Variants in GFRA1 observed in about 807,000 individuals in gnomAD.
The protein encoded by GFRA1 is GDNF family receptor alpha 1, also known as GDNF family receptor alpha-1.
Under a neutral mutation model 51.6 loss-of-function variants are expected in GFRA1, and 16 were observed. That is an observed-to-expected ratio of 0.31 (90% CI 0.21 to 0.47). The LOEUF (loss-of-function observed/expected upper bound fraction) is 0.47. Among genes scored for constraint, GFRA1 ranks in the 20% least tolerant of loss-of-function variants. The pLI is 1.00. For synonymous variants in GFRA1, 270 were observed against 241.3 expected (o/e 1.12, Z -1.10); for missense variants, 530 against 594.3 (o/e 0.89, Z 1.13).
intron 4 of GFRA1, among the ~76,000 whole-genome samples, chr10:116,220,345 T>A (rs560547854): frequency 2.0e-5 from 3 of 152,212 alleles, no homozygotes; most frequent in African/African-American, 4.8e-5. Context: ...CATTTCCAAG[T>A]CAAATGATAC....
intron 9 of GFRA1, among the ~76,000 whole-genome samples, chr10:116,086,065 T>G (rs1425685713): frequency 2.0e-5 from 3 of 152,210 alleles, no homozygotes; most frequent in Non-Finnish European, 2.9e-5. Flanking sequence ...TGCTAGAGAA[T>G]TACTGTGTGA....
intron 9 of GFRA1, among the ~76,000 whole-genome samples, chr10:116,071,630 G>T (rs1246490935): frequency 1.3e-5 from 2 of 152,174 alleles, no homozygotes; most frequent in Non-Finnish European, 2.9e-5. Flanking sequence ...GGCACCAATG[G>T]GACAGTCAGA....
intron 5 of GFRA1, among the ~76,000 whole-genome samples, chr10:116,129,627 A>G (rs768073060): frequency 6.6e-6 from 1 of 152,140 alleles, no homozygotes; most frequent in African/African-American, 2.4e-5. Flanking sequence ...GCTTATAGTC[A>G]ATGTTGTATT....
intron 4 of GFRA1, among the ~76,000 whole-genome samples, chr10:116,237,576 A>C (rs1268930666): frequency 4.6e-4 from 5 of 10,872 alleles, no homozygotes; most frequent in African/African-American, 1.4e-3. Context: ...ACTAAAGGCA[A>C]AAAAAAAAAA....
chr10:116,211,333 AC>A (rs1170883824), intron 5 of GFRA1, among the ~76,000 whole-genome samples: 2 of 152,264 alleles, frequency 1.3e-5, no homozygotes, highest in African/African-American at 4.8e-5. Flanking sequence ...CACCAGGCCC[AC>A]AGGATCCCTC....
rs117248688 is a variant in GFRA1 at position 116,161,700 on chromosome 10, G to A, written c.434-36143C>T. 4.3e-4 allele frequency among the ~76,000 whole-genome samples: 65 copies of A among 152,312 alleles called. 1 individual carries two copies. The East Asian group carries it at 0.012, about 29-fold the overall frequency. The stretch of plus-strand genomic sequence containing the variant: ...CACAAGTTCTCTTGCTTGCCGCCAT[G>A]GAAGACGTCCCTTTGTTCTTCCTTC... On this transcript the variant is annotated intron_variant, in intron 5 of 10. Transcript: ENST00000355422.
chr10:116,118,613 GCT>G (rs1412016512), intron 6 of GFRA1, among the ~76,000 whole-genome samples: 1 of 152,250 alleles, frequency 6.6e-6, no homozygotes, highest in East Asian at 1.9e-4. Flanking sequence ...AGAAATACAG[GCT>G]CTCTGTTTGG....
intron 5 of GFRA1, among the ~76,000 whole-genome samples, chr10:116,134,565 T>C (rs1345939534): frequency 1.3e-5 from 2 of 152,226 alleles, no homozygotes; most frequent in Non-Finnish European, 2.9e-5. Context: ...TGTTGGCTGT[T>C]TGGAACCCAT....
At chr10:116,150,126 G>T (rs769522280) in intron 5 of GFRA1, among the ~76,000 whole-genome samples, 1 of 152,162 alleles carries the variant, frequency 6.6e-6, no homozygotes, top group Non-Finnish European at 1.5e-5. Context: ...GCTGCAGTTT[G>T]AATTCAGGCA....
intron 9 of GFRA1, among the ~76,000 whole-genome samples, chr10:116,085,034 C>T (rs572594706): frequency 2.2e-4 from 33 of 152,286 alleles, no homozygotes; most frequent in African/African-American, 7.7e-4. Flanking sequence ...GCGGGTAACC[C>T]AAAACCCGGT....
intron 5 of GFRA1, among the ~76,000 whole-genome samples, chr10:116,171,616 G>A (rs1961032468): frequency 6.6e-6 from 1 of 152,156 alleles, no homozygotes; most frequent in Non-Finnish European, 1.5e-5. Context: ...CTCTGATTAA[G>A]TAATTTCGTG....
chr10:116,075,562 T>A (rs1004553397), intron 9 of GFRA1, among the ~76,000 whole-genome samples: 1 of 152,198 alleles, frequency 6.6e-6, no homozygotes, highest in African/African-American at 2.4e-5. Context: ...CTACTCTCCA[T>A]CTTAGCCTGC....
chr10:116,101,706 C>T (rs1328256219), intron 6 of GFRA1, among the ~76,000 whole-genome samples: 2 of 152,164 alleles, frequency 1.3e-5, no homozygotes, highest in Admixed American at 1.3e-4. Flanking sequence ...TTAACCCATC[C>T]TGGATTACCA....
intron 8 of GFRA1, among the ~76,000 whole-genome samples, chr10:116,092,791 G>A (rs193167108): frequency 1.3e-4 from 20 of 151,648 alleles, no homozygotes; most frequent in African/African-American, 4.6e-4. Context: ...AAATGAGAAT[G>A]TATATTTTAC....
At chr10:116,105,237 A>T (rs1956963559) in intron 6 of GFRA1, among the ~76,000 whole-genome samples, 1 of 152,212 alleles carries the variant, frequency 6.6e-6, no homozygotes, top group South Asian at 2.1e-4. Context: ...AGTAAACCTT[A>T]TCCAATAAGT....
At chr10:116,125,853 G>A (rs565260540) in intron 5 of GFRA1, among the ~76,000 whole-genome samples, 3 of 152,174 alleles carry the variant, frequency 2.0e-5, no homozygotes, top group African/African-American at 7.2e-5. Flanking sequence ...GAGGCAACAG[G>A]AGAATAAGCT....
rs57618028 is a variant in GFRA1 at position 116,228,980 on chromosome 10, C to CAAAAAAAAAAAA, written c.419-17347_419-17336dup. 4.7e-4 allele frequency among the ~76,000 whole-genome samples: 25 copies of CAAAAAAAAAAAA among 52,886 alleles called. 2 individuals are homozygous for CAAAAAAAAAAAA. The highest frequency in any genetic ancestry group is 6.8e-4 in the Non-Finnish European group (20 of 29,580). The allele number at this position is 52,886 out of a possible 152,430, so 34.7% of individuals were successfully genotyped here. A position where few individuals can be genotyped will look rare whatever the true frequency, so the allele number is the denominator to read the frequency against. The stretch of plus-strand genomic sequence containing the variant: ...TTGATGACAGACCAATACTCCATCT[C>CAAAAAAAAAAAA]AAAAAAAAAAAAAAAAAAAAAAAAA... On this transcript the variant is annotated intron_variant, in intron 4 of 10. Coordinates refer to ENST00000355422, the MANE Select transcript of GFRA1 (RefSeq NM_005264.8).
intron 5 of GFRA1, among the ~76,000 whole-genome samples, chr10:116,149,525 T>C (rs895362324): frequency 6.6e-6 from 1 of 152,212 alleles, no homozygotes; most frequent in Non-Finnish European, 1.5e-5. Flanking sequence ...TTCCCCCCTG[T>C]AGGAAGACAC....
chr10:116,118,830 C>T (rs975417002), intron 6 of GFRA1, among the ~76,000 whole-genome samples: 8 of 152,222 alleles, frequency 5.3e-5, no homozygotes, highest in African/African-American at 1.4e-4. Context: ...TGAAGAAAGA[C>T]GTGCTGAGGA....
Sources: gnomAD v4.1 joint callset for allele counts (sites outside exome capture counted in the v4.1 genomes callset) on GRCh38, gnomAD v4.1.1 for gene constraint, MANE v1.5 for transcripts, NCBI Gene and HGNC (gene_info 2026-07-23, HGNC 2026-07-21) for gene names.